The following NANOS3 variants were observed in gnomAD, a reference collection of about 807,000 sequenced individuals.
NANOS3 encodes nanos homolog 3.
In NANOS3, 11 loss-of-function variants were observed where a neutral mutation model predicts 13.8. The ratio of observed to expected loss-of-function variants is 0.80; its 90% CI spans 0.50 to 1.32. The LOEUF (loss-of-function observed/expected upper bound fraction) is 1.32, where lower values mean the gene tolerates loss of function less well. Among genes scored for constraint, NANOS3 ranks in the 40% most tolerant of loss-of-function variants. NANOS3 has a pLI of 0.00. For synonymous variants in NANOS3, 119 were observed against 115.4 expected (o/e 1.03, Z -0.20); for missense variants, 221 against 263.8 (o/e 0.84, Z 1.12).
rs550771133 is a variant in NANOS3, at chr19:13,867,207, C to G, written n.21+1770C>G. Among the ~76,000 whole-genome samples the G allele has an allele frequency of 1.3e-3, 205 of 152,284 alleles. 1 individual carries two copies. Among genetic ancestry groups the G allele is most frequent in the African/African-American group, 4.8e-3 (201 of 41,552 alleles). ...CCGCTGGCTTCAGCCTCCCAAAGTG[C>G]TGGGATTACAGGTGTGAACCGCCGC... On this transcript the variant is annotated intron_variant and non_coding_transcript_variant, in intron 1 of 2. Coordinates refer to the NANOS3 transcript ENST00000591161.
At chr19:13,862,486 A>G (rs1976173147), upstream of NANOS3, among the ~76,000 whole-genome samples, 2 of 151,492 alleles carry the variant, frequency 1.3e-5, no homozygotes, top group Admixed American at 6.6e-5. Flanking sequence ...CCTGGAGAAG[A>G]GACGGGGGGA....
chr19:13,878,170 C>T (rs1346507806), intron 1 of NANOS3, among the ~76,000 whole-genome samples: 1 of 150,314 alleles, frequency 6.7e-6, no homozygotes, highest in Non-Finnish European at 1.5e-5. Context: ...TCTCGTGATC[C>T]GCCCACCTCG....
At chr19:13,868,854 C>T (rs913934179) in intron 1 of NANOS3, among the ~76,000 whole-genome samples, 1 of 151,930 alleles carries the variant, frequency 6.6e-6, no homozygotes, top group African/African-American at 2.4e-5. Flanking sequence ...TGGAATTACA[C>T]ACAATTAGCC....
rs906519773 is a variant in NANOS3, at chr19:13,879,394, C to T, written c.518-1048C>T. On this transcript the variant is annotated intron_variant, in intron 1 of 1. Coordinates refer to ENST00000339133, the MANE Select transcript of NANOS3 (RefSeq NM_001098622.3). ...CTGGAGGATAGTGACTGGGAGAGGA[C>T]GACCCCTCCCAACTACTCTCAGGCA... 1.9e-4 allele frequency among the ~76,000 whole-genome samples: 29 copies of T among 152,180 alleles called. 1 individual carries two copies. The highest frequency in any genetic ancestry group is 2.4e-4 in the African/African-American group (10 of 41,432).
chr19:13,878,542 G>A (rs1324111765), intron 1 of NANOS3, among the ~76,000 whole-genome samples: 2 of 151,810 alleles, frequency 1.3e-5, no homozygotes, highest in South Asian at 2.1e-4. Context: ...TGGCCCGCAG[G>A]GTTATTATAG....
At chr19:13,872,274 G>C (rs1314259531), upstream of NANOS3, among the ~76,000 whole-genome samples, 1 of 151,106 alleles carries the variant, frequency 6.6e-6, no homozygotes, top group African/African-American at 2.4e-5. Context: ...GAACCCAGGA[G>C]GTGGAAATTG....
At chr19:13,875,188 C>T (rs955548855), upstream of NANOS3, among the ~76,000 whole-genome samples, 1 of 141,866 alleles carries the variant, frequency 7.0e-6, no homozygotes, top group Non-Finnish European at 1.6e-5. Context: ...CTAAAATCCC[C>T]TTTTTTTTTT....
intron 1 of NANOS3, among the ~76,000 whole-genome samples, chr19:13,872,067 C>A (rs777358425): frequency 6.6e-6 from 1 of 151,604 alleles, no homozygotes; most frequent in Non-Finnish European, 1.5e-5. Context: ...TTTAAAGAAA[C>A]GGGGTTTTAA....
rs142623011 is a variant in NANOS3, at chr19:13,869,278, C to T, written n.21+3841C>T. Among the ~76,000 whole-genome samples the T allele has an allele frequency of 9.5e-4, 144 of 152,206 alleles. 1 individual carries two copies. The highest frequency in any genetic ancestry group is 3.4e-3 in the Middle Eastern group (1 of 294). Reference sequence around the variant, plus strand: ...ATCCTCCTGCCTCGGCCTCCCAAAGCGTTGGGACTACGGGCATGAGCCACC... The same window carrying T: ...ATCCTCCTGCCTCGGCCTCCCAAAGTGTTGGGACTACGGGCATGAGCCACC... On this transcript the variant is annotated intron_variant and non_coding_transcript_variant, in intron 1 of 2. Transcript: ENST00000591161.
intron 1 of NANOS3, among the ~76,000 whole-genome samples, chr19:13,866,153 C>G (rs963512556): frequency 1.3e-5 from 2 of 152,164 alleles, no homozygotes; most frequent in Non-Finnish European, 2.9e-5. Context: ...GAACAGGAAC[C>G]CGCCCTCCAA....
intron 1 of NANOS3, among the ~76,000 whole-genome samples, chr19:13,878,840 C>T (rs1968572437): frequency 6.6e-6 from 1 of 151,958 alleles, no homozygotes; most frequent in South Asian, 2.1e-4. Context: ...CGGTCTCAAA[C>T]ACGGCTTAGG....
intron 1 of NANOS3, among the ~76,000 whole-genome samples, chr19:13,867,028 T>A (rs1404463923): frequency 6.6e-6 from 1 of 152,142 alleles, no homozygotes; most frequent in Non-Finnish European, 1.5e-5. Context: ...CGTGGCACGA[T>A]CTCCCGGATT....
chr19:13,865,300 C>T (rs1255559589), upstream of NANOS3: 1 of 143,216 alleles, frequency 7.0e-6, no homozygotes, highest in African/African-American at 2.5e-5. Flanking sequence ...CCCCCCCCCG[C>T]CCACGGCCTA....
At chr19:13,879,982 C>T (rs1286599309) in intron 1 of NANOS3, among the ~76,000 whole-genome samples, 1 of 152,004 alleles carries the variant, frequency 6.6e-6, no homozygotes, top group Non-Finnish European at 1.5e-5. Context: ...GCTGAGGTCA[C>T]GTCACTGCAC....
At chr19:13,876,047 C>T (rs35364047), upstream of NANOS3, among the ~76,000 whole-genome samples, 37,277 of 152,052 alleles carry the variant, frequency 0.25, 4,871 homozygotes, top group Admixed American at 0.32. Flanking sequence ...TCTTTCTCAC[C>T]CCTCTGCAGC....
upstream of NANOS3, among the ~76,000 whole-genome samples, chr19:13,873,139 G>T (rs1968429557): frequency 1.3e-5 from 2 of 152,016 alleles, no homozygotes. Context: ...GGGTTTGGCG[G>T]TGGGCTCCGT....
At chr19:13,872,913 G>A (rs376339723), upstream of NANOS3, among the ~76,000 whole-genome samples, 6 of 152,332 alleles carry the variant, frequency 3.9e-5, no homozygotes, top group East Asian at 7.7e-4. Flanking sequence ...CCGGGAGGCG[G>A]GAGGGGGGCT....
chr19:13,878,710 G>T (rs1233331739), intron 1 of NANOS3, among the ~76,000 whole-genome samples: 2 of 149,646 alleles, frequency 1.3e-5, no homozygotes, highest in African/African-American at 4.9e-5. Flanking sequence ...TGCCTCCTGG[G>T]TTCAAGCGAT....
At chr19:13,864,616 C>T (rs911962085), upstream of NANOS3, among the ~76,000 whole-genome samples, 4 of 151,876 alleles carry the variant, frequency 2.6e-5, no homozygotes, top group Admixed American at 6.6e-5. Flanking sequence ...ACCTGGGGTA[C>T]TGTGTGTGTA....
Sources: gnomAD v4.1 joint callset for allele counts (sites outside exome capture counted in the v4.1 genomes callset) on GRCh38, gnomAD v4.1.1 for gene constraint, MANE v1.5 for transcripts, NCBI Gene and HGNC (gene_info 2026-07-23, HGNC 2026-07-21) for gene names.